Variants in GOLGA7 observed in about 807,000 individuals in gnomAD.
The protein encoded by GOLGA7 is golgin subfamily A member 7.
A neutral mutation model predicts 21.1 loss-of-function variants in GOLGA7; 10 were observed. The ratio of observed to expected loss-of-function variants is 0.47; its 90% CI spans 0.29 to 0.80. The LOEUF is 0.80. GOLGA7 is among the 30% of genes least tolerant of loss of function. The pLI, the probability that GOLGA7 is intolerant of heterozygous loss-of-function variation, is 0.08. For missense variants in GOLGA7, 114 were observed against 166.8 expected (o/e 0.68, Z 1.74); for synonymous variants, 64 against 62.6 (o/e 1.02, Z -0.10).
intron 2 of GOLGA7, among the ~76,000 whole-genome samples, chr8:41,497,988 T>C (rs1806061530): frequency 6.6e-6 from 1 of 152,212 alleles, no homozygotes; most frequent in African/African-American, 2.4e-5. Context: ...TTCTCCCACC[T>C]GAGTTCTTAC....
At chr8:41,503,222 G>A (rs1383792104) in intron 2 of GOLGA7, among the ~76,000 whole-genome samples, 1 of 142,918 alleles carries the variant, frequency 7.0e-6, no homozygotes, top group African/African-American at 2.7e-5. Context: ...AAAAAAAAGT[G>A]TCTGTTCATG....
intron 2 of GOLGA7, among the ~76,000 whole-genome samples, chr8:41,501,191 A>G (rs1241784222): frequency 1.3e-5 from 2 of 152,230 alleles, no homozygotes; most frequent in African/African-American, 4.8e-5. Context: ...TATACTAATT[A>G]TGAGATCTTG....
At chr8:41,493,577 T>G (rs1448686706) in intron 1 of GOLGA7, among the ~76,000 whole-genome samples, 2 of 152,218 alleles carry the variant, frequency 1.3e-5, no homozygotes, top group African/African-American at 4.8e-5. Flanking sequence ...TACAGATATC[T>G]TAGTTACCCT....
At chr8:41,501,662 C>T (rs970602946) in intron 2 of GOLGA7, among the ~76,000 whole-genome samples, 1 of 152,206 alleles carries the variant, frequency 6.6e-6, no homozygotes, top group Non-Finnish European at 1.5e-5. Context: ...TCCCAAAGTG[C>T]TAGGGCTACA....
chr8:41,502,551 G>A (rs759061597), intron 2 of GOLGA7: 5 of 152,188 alleles, frequency 3.3e-5, no homozygotes, highest in Admixed American at 6.5e-5. Flanking sequence ...AAATGGGCTC[G>A]TGGAAGGTTC....
rs747844513 is a variant in GOLGA7 at position 41,497,505 on chromosome 8, A to G, written c.112-4A>G. The G allele has an allele frequency of 3.1e-5, 45 of 1,474,938 alleles. No individual in the cohort carries two copies. Among genetic ancestry groups the G allele is most frequent in the Non-Finnish European group, 4.0e-5 (43 of 1,074,276 alleles). 91.4% of individuals were successfully genotyped at this position (1,474,938 alleles called of 1,614,324 possible). On this transcript the variant is annotated splice_region_variant and splice_polypyrimidine_tract_variant and intron_variant, in intron 1 of 4. Coordinates refer to ENST00000357743, the MANE Select transcript of GOLGA7 (RefSeq NM_001002296.2). ...TTAATTTTTAAATATTTTCTTCTCT[A>G]CAGATTGATAGGCAGCAGTTTGAAG...
intron 1 of GOLGA7, among the ~76,000 whole-genome samples, chr8:41,497,219 C>T (rs1184181159): frequency 6.6e-5 from 10 of 151,434 alleles, no homozygotes; most frequent in Non-Finnish European, 1.2e-4. Context: ...TGATAGTAGG[C>T]GCTCAGTAAG....
rs1806281823 is a variant in GOLGA7, at chr8:41,506,129, C to A, written c.366+117C>A. 1.2e-5 allele frequency: 7 copies of A among 573,070 alleles called. No individual in the cohort carries two copies. In the South Asian group the frequency reaches 1.7e-4, roughly 14 times the overall value. The allele number at this position is 573,070 out of a possible 1,614,324, so 35.5% of individuals were successfully genotyped here. ...ATCCTGTATTTGCCCTAGGTAGTTT[C>A]TGTGTGAATTGCATACCTACTGTAA... is the stretch of plus-strand genomic sequence containing the variant. On this transcript the variant is annotated intron_variant, in intron 3 of 4. Transcript: ENST00000357743.
Position 41,500,338 on chromosome 8 carries a change from T to G in GOLGA7, c.264+2677T>G, listed in dbSNP as rs1395107215. 4.6e-5 allele frequency among the ~76,000 whole-genome samples: 7 copies of G among 152,136 alleles called. No homozygotes were observed. The East Asian group carries it at 7.7e-4, about 17-fold the overall frequency. On this transcript the variant is annotated intron_variant, in intron 2 of 4. Transcript: ENST00000357743. ...GACATTTAAGCTGTTGCATGAAGGA[T>G]GAAAAGCCTGGGGCATTAAGGCAGA...
At chr8:41,500,677 A>C (rs948921845) in intron 2 of GOLGA7, among the ~76,000 whole-genome samples, 1 of 152,190 alleles carries the variant, frequency 6.6e-6, no homozygotes, top group African/African-American at 2.4e-5. Context: ...CGATCCTCTC[A>C]CCTCAGCCTC....
chr8:41,495,085 T>C (rs1045004774), intron 1 of GOLGA7, among the ~76,000 whole-genome samples: 1 of 147,760 alleles, frequency 6.8e-6, no homozygotes, highest in African/African-American at 2.5e-5. Context: ...ACGCCTGTAA[T>C]CCCAGCTACT....
intron 1 of GOLGA7, among the ~76,000 whole-genome samples, chr8:41,494,984 C>T (rs1331807391): frequency 1.3e-5 from 2 of 151,782 alleles, no homozygotes; most frequent in Non-Finnish European, 2.9e-5. Context: ...GGGGGTGGAT[C>T]ACATGAGGCT....
Position 41,510,213 on chromosome 8 carries a change from A to T in GOLGA7, c.*645A>T, listed in dbSNP as rs1314218662. The T allele has an allele frequency of 2.6e-5, 4 of 152,646 alleles. No homozygotes were observed. Among genetic ancestry groups the T allele is most frequent in the Admixed American group, 1.3e-4 (2 of 15,276 alleles). The allele number at this position is 152,646 out of a possible 1,614,324, so 9.5% of individuals were successfully genotyped here. A position where few individuals can be genotyped will look rare whatever the true frequency, so the allele number is the denominator to read the frequency against. On this transcript the variant is annotated 3_prime_UTR_variant, in exon 5 of 5. Transcript: ENST00000357743. ...TATAGCAATTATGCCTAATTAAAGCAGTATTTAATGCAATTTCCAGTTATT... is the reference window on the plus strand; with the variant it reads ...TATAGCAATTATGCCTAATTAAAGCTGTATTTAATGCAATTTCCAGTTATT...
intron 1 of GOLGA7, among the ~76,000 whole-genome samples, chr8:41,495,392 C>T (rs1423685256): frequency 6.6e-6 from 1 of 151,494 alleles, no homozygotes; most frequent in Non-Finnish European, 1.5e-5. Flanking sequence ...TCCAGCAATC[C>T]TCCCACCTCA....
At chr8:41,491,936 G>A (rs1310819778) in intron 1 of GOLGA7, among the ~76,000 whole-genome samples, 1 of 152,182 alleles carries the variant, frequency 6.6e-6, no homozygotes, top group Non-Finnish European at 1.5e-5. Flanking sequence ...ACTGAGAGAT[G>A]CTGGTCATGG....
At chr8:41,503,067 A>T (rs1181840339) in intron 2 of GOLGA7, among the ~76,000 whole-genome samples, 1 of 152,024 alleles carries the variant, frequency 6.6e-6, no homozygotes, top group Non-Finnish European at 1.5e-5. Context: ...TTTGAGACTA[A>T]GTTTTAAAGC....
At chr8:41,495,867 A>T (rs999147820) in intron 1 of GOLGA7, among the ~76,000 whole-genome samples, 1 of 152,208 alleles carries the variant, frequency 6.6e-6, no homozygotes, top group African/African-American at 2.4e-5. Flanking sequence ...GAAATCTGTT[A>T]TACAAAGTAC....
chr8:41,503,032 G>A (rs1467481653), intron 2 of GOLGA7, among the ~76,000 whole-genome samples: 1 of 151,968 alleles, frequency 6.6e-6, no homozygotes, highest in East Asian at 1.9e-4. Context: ...TTTATCGTTT[G>A]TTTTAATTTT....
intron 2 of GOLGA7, among the ~76,000 whole-genome samples, chr8:41,504,120 T>TAAAA (rs58682911): frequency 0.041 from 4,922 of 120,682 alleles, 123 homozygotes; most frequent in South Asian, 0.054. Context: ...TAGAGTATAA[T>TAAAA]AAAAAAAAAA....
Sources: allele counts gnomAD v4.1 joint callset (sites outside exome capture counted in the v4.1 genomes callset), GRCh38; gene constraint gnomAD v4.1.1; transcripts MANE v1.5; gene names NCBI Gene and HGNC (gene_info 2026-07-23, HGNC 2026-07-21).